Variants in FAM135B observed in about 807,000 individuals in gnomAD.
The protein encoded by FAM135B is protein FAM135B.
Under a neutral mutation model 127.7 loss-of-function variants are expected in FAM135B, and 43 were observed. The observed-to-expected ratio is 0.34, with a 90% CI of 0.26 to 0.43. The LOEUF (loss-of-function observed/expected upper bound fraction) is 0.43, where lower values mean the gene tolerates loss of function less well. Among genes scored for constraint, FAM135B ranks in the 20% least tolerant of loss-of-function variants. FAM135B has a pLI of 1.00. For synonymous variants in FAM135B, 670 were observed against 665.1 expected (o/e 1.01, Z -0.11); for missense variants, 1,558 against 1,725.6 (o/e 0.90, Z 1.72).
intron 5 of FAM135B, among the ~76,000 whole-genome samples, chr8:138,251,719 T>G (rs1821709758): frequency 6.6e-6 from 1 of 151,830 alleles, no homozygotes; most frequent in African/African-American, 2.4e-5. Context: ...CTTTGGTGAT[T>G]AAAAGAACAT....
intron 3 of FAM135B, among the ~76,000 whole-genome samples, chr8:138,304,285 T>A (rs918398582): frequency 6.6e-6 from 1 of 152,104 alleles, no homozygotes; most frequent in Non-Finnish European, 1.5e-5. Flanking sequence ...GGATTCAAAC[T>A]CCCAGGAAAG....
At chr8:138,222,541 A>AAT (rs1472573351) in intron 7 of FAM135B, among the ~76,000 whole-genome samples, 1 of 152,174 alleles carries the variant, frequency 6.6e-6, no homozygotes, top group Non-Finnish European at 1.5e-5. Flanking sequence ...GAAGGGGACA[A>AAT]ATATAACTGT....
chr8:138,171,671 G>A (rs971793628), intron 11 of FAM135B, among the ~76,000 whole-genome samples: 31 of 152,178 alleles, frequency 2.0e-4, no homozygotes, highest in African/African-American at 7.2e-4. Flanking sequence ...GGCTGCAGCA[G>A]GAAGGTCCCG....
At chr8:138,347,452 T>G (rs1334850134) in intron 2 of FAM135B, among the ~76,000 whole-genome samples, 2 of 152,048 alleles carry the variant, frequency 1.3e-5, no homozygotes, top group Non-Finnish European at 2.9e-5. Context: ...GGCTTAAAAG[T>G]CCCACAGGTC....
intron 3 of FAM135B, among the ~76,000 whole-genome samples, chr8:138,304,220 T>C (rs555632518): frequency 2.2e-4 from 33 of 152,280 alleles, no homozygotes; most frequent in Middle Eastern, 3.4e-3. Context: ...TCCATGACCC[T>C]GTGTTAGTAG....
intron 1 of FAM135B, among the ~76,000 whole-genome samples, chr8:138,454,648 G>A (rs1836677905): frequency 6.6e-6 from 1 of 152,152 alleles, no homozygotes; most frequent in Non-Finnish European, 1.5e-5. Flanking sequence ...AGTTGATGAG[G>A]CAGGCAGGAT....
At chr8:138,133,078 A>C (rs1476308092) in intron 19 of FAM135B, among the ~76,000 whole-genome samples, 2 of 152,174 alleles carry the variant, frequency 1.3e-5, no homozygotes, top group Non-Finnish European at 1.5e-5. Context: ...TTTCTCAATA[A>C]TAGCTGTACC....
intron 1 of FAM135B, among the ~76,000 whole-genome samples, chr8:138,369,532 G>A (rs1486759291): frequency 6.6e-6 from 1 of 152,130 alleles, no homozygotes; most frequent in East Asian, 1.9e-4. Flanking sequence ...AAAATCCTCA[G>A]AACCAACCTC....
At chr8:138,471,567 C>T (rs1163454906) in intron 1 of FAM135B, among the ~76,000 whole-genome samples, 1 of 152,086 alleles carries the variant, frequency 6.6e-6, no homozygotes, top group Admixed American at 6.6e-5. Flanking sequence ...AGACAGGAAC[C>T]TCAAAGAAGG....
At chr8:138,452,136 T>C (rs976100807) in intron 1 of FAM135B, among the ~76,000 whole-genome samples, 22 of 144,970 alleles carry the variant, frequency 1.5e-4, no homozygotes, top group African/African-American at 5.2e-4. Context: ...TTTTTTTTTT[T>C]TTTTTTTTTT....
intron 1 of FAM135B, chr8:138,439,588 G>A (rs1835649569): frequency 6.6e-6 from 1 of 152,150 alleles, no homozygotes; most frequent in South Asian, 2.1e-4. Flanking sequence ...CAGTCTCTGT[G>A]AATGGGGATG....
At chr8:138,396,340 G>A (rs979524228) in intron 1 of FAM135B, among the ~76,000 whole-genome samples, 1 of 152,136 alleles carries the variant, frequency 6.6e-6, no homozygotes, top group Non-Finnish European at 1.5e-5. Context: ...GATGCAGTGA[G>A]AACACTGACA....
intron 9 of FAM135B, 150 bp downstream of exon 9, chr8:138,195,108 G>T (rs181598629): frequency 5.8e-6 from 4 of 689,900 alleles, no homozygotes; most frequent in Middle Eastern, 2.5e-4. Context: ...TAGGGTAACA[G>T]AATGTAAGAA....
chr8:138,364,367 T>C (rs915605897), intron 2 of FAM135B, among the ~76,000 whole-genome samples: 1 of 152,154 alleles, frequency 6.6e-6, no homozygotes, highest in Non-Finnish European at 1.5e-5. Flanking sequence ...GTTTTGTTGC[T>C]GATGAGACCG....
chr8:138,341,686 G>A (rs1468447432), intron 2 of FAM135B, among the ~76,000 whole-genome samples: 2 of 152,136 alleles, frequency 1.3e-5, no homozygotes, highest in Non-Finnish European at 2.9e-5. Flanking sequence ...CCCTGGAATC[G>A]TCTCTCTACT....
intron 1 of FAM135B, among the ~76,000 whole-genome samples, chr8:138,444,235 A>T (rs1835973124): frequency 2.6e-5 from 4 of 152,204 alleles, no homozygotes; most frequent in Admixed American, 2.6e-4. Flanking sequence ...AACATTAGAC[A>T]GGTCAACGAG....
chr8:138,353,978 G>A (rs1829932790), intron 2 of FAM135B, among the ~76,000 whole-genome samples: 1 of 152,094 alleles, frequency 6.6e-6, no homozygotes, highest in African/African-American at 2.4e-5. Context: ...ATTCACCCAA[G>A]GGAACTTCTT....
intron 2 of FAM135B, among the ~76,000 whole-genome samples, chr8:138,319,096 T>G (rs55711814): frequency 0.84 from 127,574 of 152,052 alleles, 54,833 homozygotes; most frequent in Non-Finnish European, 0.95. Context: ...GTTTTTTTTT[T>G]TTGTTGTTGT....
At chr8:138,437,568 T>A (rs747434081) in intron 1 of FAM135B, 1 of 152,332 alleles carries the variant, frequency 6.6e-6, no homozygotes, top group East Asian at 1.9e-4. Context: ...TGTGAATCAA[T>A]TAAACTTATT....
Sources: gnomAD v4.1 joint callset for allele counts (sites outside exome capture counted in the v4.1 genomes callset) on GRCh38, gnomAD v4.1.1 for gene constraint, MANE v1.5 for transcripts, NCBI Gene and HGNC (gene_info 2026-07-23, HGNC 2026-07-21) for gene names.